Variants in LIMK1 observed in about 807,000 individuals in gnomAD.
LIMK1 encodes the protein LIM motif-containing protein kinase.
A neutral mutation model predicts 77.6 loss-of-function variants in LIMK1; 21 were observed. The observed-to-expected ratio is 0.27, with a 90% CI of 0.19 to 0.39. LIMK1 has a LOEUF of 0.39. Ranked by LOEUF, LIMK1 falls within the 10% of genes least tolerant of loss-of-function variation. LIMK1 has a pLI of 1.00. For missense variants in LIMK1, 696 were observed against 901.6 expected, an observed-to-expected ratio of 0.77 and a Z score of 2.92; for synonymous variants, 358 against 370.0, an observed-to-expected ratio of 0.97 and a Z score of 0.37.
In LIMK1 at chr7:74,105,484, GC is replaced by G. The variant is rs534788451; in HGVS notation, c.609-389del. ...GCTGAGATTGTGCCATTGCACTCCA[GC>G]CTGGGTAACAGAGTGAGATTCTGTC... On this transcript the variant is annotated intron_variant, in intron 5 of 15. Transcript: ENST00000336180. Among the ~76,000 whole-genome samples, 12 of 149,868 alleles carry G rather than the reference GC, an allele frequency of 8.0e-5. No homozygotes were observed. In the South Asian group the frequency reaches 2.5e-3, roughly 31 times the overall value.
Position 74,122,435 on chromosome 7 carries a change from G to A in LIMK1, c.*1134G>A, listed in dbSNP as rs1799961878. 1 of 152,378 alleles carries A rather than the reference G, an allele frequency of 6.6e-6. No individual in the cohort carries two copies. The highest frequency in any genetic ancestry group is 2.4e-5 in the African/African-American group (1 of 41,346). The allele number at this position is 152,378 out of a possible 1,614,324, so 9.4% of individuals were successfully genotyped here. On this transcript the variant is annotated 3_prime_UTR_variant, in exon 16 of 16. Transcript: ENST00000336180. ...CCGTGGGACCATGACTTAGGGAGGT[G>A]GGACCCACCCACCCCCATCCAGGAA...
intron 12 of LIMK1, 108 bp from the exon 13 acceptor site, chr7:74,115,694 G>A (rs1799792135): frequency 2.5e-6 from 3 of 1,221,466 alleles, no homozygotes; most frequent in Non-Finnish European, 3.5e-6. Context: ...CGTATCAGAG[G>A]TATGTTCTCT....
In LIMK1 at chr7:74,120,973, C is replaced by T. The variant is rs1344462823; in HGVS notation, c.1705C>T (p.Arg569Cys). 19 of 1,613,622 alleles carry T rather than the reference C, an allele frequency of 1.2e-5. No homozygotes were observed. The highest frequency in any genetic ancestry group is 1.3e-5 in the African/African-American group (1 of 74,896). Reference sequence around the variant, plus strand: ...CCTCAACGTGCGAGGATTCCTGGACCGCTACTGCCCCCCAAACTGCCCCCC... The same window carrying T: ...CCTCAACGTGCGAGGATTCCTGGACTGCTACTGCCCCCCAAACTGCCCCCC... ...FGLNVRGFLD[R>C]YCPPNCPPSF... The change falls in exon 15 of 16, where the codon CGC (arginine) becomes TGC (cysteine). Residue 569 changes from arginine (R) to cysteine (C), a missense_variant. This residue lies in a region of LIMK1 where 438 missense variants were observed against 602.3 expected (regional missense o/e 0.73). Coordinates refer to ENST00000336180, the MANE Select transcript of LIMK1 (RefSeq NM_002314.4).
chr7:74,090,490 C>A (rs1410886268), intron 2 of LIMK1, among the ~76,000 whole-genome samples: 2 of 152,148 alleles, frequency 1.3e-5, no homozygotes, highest in African/African-American at 4.8e-5. Context: ...TGGTCCTCAC[C>A]GCGTGACAGT....
chr7:74,088,040 G>T (rs1411213559), intron 2 of LIMK1, among the ~76,000 whole-genome samples: 3 of 152,132 alleles, frequency 2.0e-5, no homozygotes, highest in African/African-American at 4.8e-5. Flanking sequence ...CTCCCAAAGT[G>T]CTGGGATTAC....
At chr7:74,116,256 C>T (rs1391058542) in intron 13 of LIMK1, among the ~76,000 whole-genome samples, 2 of 42,136 alleles carry the variant, frequency 4.7e-5, no homozygotes, top group Non-Finnish European at 1.7e-4. Context: ...ATTAGCTGGG[C>T]ATGGTGGTGG....
chr7:74,087,371 T>C (rs1294143797), intron 2 of LIMK1, among the ~76,000 whole-genome samples: 6 of 151,988 alleles, frequency 3.9e-5, no homozygotes, highest in African/African-American at 1.5e-4. Flanking sequence ...ACCACTGCAC[T>C]CTAGCCTGGG....
At chr7:74,103,685 C>T (rs1799512690) in intron 5 of LIMK1, among the ~76,000 whole-genome samples, 1 of 152,130 alleles carries the variant, frequency 6.6e-6, no homozygotes, top group Admixed American at 6.6e-5. Context: ...TTGCCTGTAG[C>T]GATTATTACT....
intron 2 of LIMK1, among the ~76,000 whole-genome samples, chr7:74,090,490 C>T (rs1410886268): frequency 7.9e-5 from 12 of 152,148 alleles, no homozygotes; most frequent in African/African-American, 2.7e-4. Flanking sequence ...TGGTCCTCAC[C>T]GCGTGACAGT....
intron 5 of LIMK1, among the ~76,000 whole-genome samples, chr7:74,102,277 C>A (rs1320733154): frequency 6.6e-6 from 1 of 151,848 alleles, no homozygotes; most frequent in African/African-American, 2.4e-5. Flanking sequence ...CCAAGGTTCA[C>A]CAATTCGTAA....
In LIMK1 at chr7:74,121,419, A is replaced by G. The variant is rs1799937658; in HGVS notation, c.*118A>G. 6.4e-6 allele frequency: 7 copies of G among 1,089,658 alleles called. No homozygotes were observed. The highest frequency in any genetic ancestry group is 7.7e-6 in the Non-Finnish European group (6 of 783,962). The allele number at this position is 1,089,658 out of a possible 1,614,324, so 67.5% of individuals were successfully genotyped here. ...GGGACCCAGGCTTCTCCTCAGAGCC[A>G]GGCCCTGACTTGCCTTCTCCCACCC... On this transcript the variant is annotated 3_prime_UTR_variant, in exon 16 of 16. Coordinates refer to ENST00000336180, the MANE Select transcript of LIMK1 (RefSeq NM_002314.4).
At chr7:74,106,928 CAGGCAGGAGGAGGAAG>C in intron 7 of LIMK1, 66 bp from the exon 8 acceptor site, 2 of 1,327,138 alleles carry the variant, frequency 1.5e-6, no homozygotes, top group South Asian at 2.9e-5. Flanking sequence ...CAGGGGCATG[CAGGCAGGAGGAGGAAG>C]GGGCAGGGCC....
At position 74,115,876 on chromosome 7, in the gene LIMK1, G is replaced by A. The variant is rs1554699366; in HGVS notation, c.1485G>A (p.Leu495=). The A allele has an allele frequency of 6.2e-7, 1 of 1,614,210 alleles. No individual in the cohort carries two copies. Among genetic ancestry groups the A allele is most frequent in the African/African-American group, 1.3e-5 (1 of 75,062 alleles). The change falls in exon 13 of 16, where the codon CTG becomes CTA. Residue 495 remains leucine, a synonymous_variant. Coordinates refer to ENST00000336180, the MANE Select transcript of LIMK1 (RefSeq NM_002314.4). ...MVDEKTQPEG[L]RSLKKPDRKK... ...ACGAGAAGACTCAGCCTGAGGGCCTGCGGAGCCTCAAGAAGCCAGACCGCA... is the reference window on the plus strand; with the variant it reads ...ACGAGAAGACTCAGCCTGAGGGCCTACGGAGCCTCAAGAAGCCAGACCGCA...
At chr7:74,112,440 G>C (rs557531402) in intron 12 of LIMK1, among the ~76,000 whole-genome samples, 3 of 152,180 alleles carry the variant, frequency 2.0e-5, no homozygotes, top group African/African-American at 7.2e-5. Flanking sequence ...AGGAGGCTTG[G>C]CCAGACACAG....
intron 12 of LIMK1, among the ~76,000 whole-genome samples, chr7:74,113,624 C>CAA (rs1193175392): frequency 1.5e-5 from 2 of 135,432 alleles, no homozygotes; most frequent in African/African-American, 5.5e-5. Flanking sequence ...GACACCGTCT[C>CAA]AAAAAAAAAA....
chr7:74,115,695 T>C lies in LIMK1; in HGVS notation c.1411-107T>C. 2 of 1,225,114 alleles carry C rather than the reference T, an allele frequency of 1.6e-6. 1 individual carries two copies. The highest frequency in any genetic ancestry group is 2.8e-5 in the South Asian group (2 of 71,080). The allele number at this position is 1,225,114 out of a possible 1,614,324, so 75.9% of individuals were successfully genotyped here. Reference sequence around the variant, plus strand: ...CTGTGCCAATACAGCGTATCAGAGGTATGTTCTCTGGGCTGTCTACAGGTT... The same window carrying C: ...CTGTGCCAATACAGCGTATCAGAGGCATGTTCTCTGGGCTGTCTACAGGTT... On this transcript the variant is annotated intron_variant, in intron 12 of 15. Transcript: ENST00000336180.
chr7:74,097,143 G>A lies in LIMK1; in HGVS notation c.355G>A (p.Gly119Ser), dbSNP rs1554695778. The A allele has an allele frequency of 3.7e-6, 6 of 1,613,438 alleles. No homozygotes were observed. The highest frequency in any genetic ancestry group is 1.7e-5 in the Admixed American group (1 of 59,978). The change falls in exon 4 of 16, where the codon GGT becomes AGT. Residue 119 changes from glycine to serine, a missense_variant. Physicochemically the swap from Gly to Ser is moderately conservative, Grantham distance 56. Coordinates refer to ENST00000336180, the MANE Select transcript of LIMK1 (RefSeq NM_002314.4). ...CTGCCTCACGTGTGGGACCTTTATC[G>A]GTGACGGGGACACCTACACGCTGGT... The part of the protein sequence containing the change: ...FICLTCGTFI[G>S]DGDTYTLVEH...
chr7:74,115,516 T>C, intron 12 of LIMK1: 1 of 375,486 alleles, frequency 2.7e-6, no homozygotes, highest in Non-Finnish European at 4.8e-6. Context: ...GAGGGAGCAG[T>C]GGGTCCGCCA....
chr7:74,089,501 C>CA (rs72149470), intron 2 of LIMK1, among the ~76,000 whole-genome samples: 11 of 151,064 alleles, frequency 7.3e-5, no homozygotes, highest in East Asian at 3.9e-4. Flanking sequence ...AATCCCATCT[C>CA]AAAAAAAAGA....
Sources: gnomAD v4.1 joint callset for allele counts (sites outside exome capture counted in the v4.1 genomes callset) on GRCh38, gnomAD v4.1.1 for gene constraint, gnomAD v4.1.1 regional missense constraint, MANE v1.5 for transcripts, NCBI Gene and HGNC (gene_info 2026-07-23, HGNC 2026-07-21) for gene names.